CRACR2A: variants seen among roughly 807,000 people sequenced by gnomAD.
CRACR2A encodes the protein EF-hand calcium-binding domain-containing protein 4B.
A neutral mutation model predicts 90.5 loss-of-function variants in CRACR2A; 79 were observed. The ratio of observed to expected loss-of-function variants is 0.87; its 90% CI spans 0.73 to 1.05. The LOEUF (loss-of-function observed/expected upper bound fraction) is 1.05. Ranked by LOEUF, CRACR2A falls within the 50% of genes least tolerant of loss-of-function variation. CRACR2A has a pLI of 0.00. For missense variants in CRACR2A, 823 were observed against 897.2 expected (o/e 0.92, Z 1.06); for synonymous variants, 338 against 356.7 (o/e 0.95, Z 0.59).
intron 12 of CRACR2A, among the ~76,000 whole-genome samples, chr12:3,643,409 G>A (rs1452830392): frequency 6.6e-6 from 1 of 152,162 alleles, no homozygotes; most frequent in Non-Finnish European, 1.5e-5. Context: ...TGTATGGAGG[G>A]GGGATGGGAA....
intron 2 of CRACR2A, chr12:3,729,531 C>A: frequency 6.6e-6 from 1 of 152,214 alleles, no homozygotes; most frequent in Non-Finnish European, 1.5e-5. Flanking sequence ...AGTGAAACCC[C>A]ATCTGTACTA....
chr12:3,718,094 C>T (rs987013273), intron 2 of CRACR2A, among the ~76,000 whole-genome samples: 1 of 152,214 alleles, frequency 6.6e-6, no homozygotes, highest in African/African-American at 2.4e-5. Flanking sequence ...TGGATGATAA[C>T]AGCACCTCTC....
At chr12:3,716,013 G>A (rs1191194634) in intron 2 of CRACR2A, among the ~76,000 whole-genome samples, 2 of 151,730 alleles carry the variant, frequency 1.3e-5, no homozygotes, top group East Asian at 1.9e-4. Flanking sequence ...AAGAAGGAGC[G>A]GGAGCATCAT....
intron 4 of CRACR2A, among the ~76,000 whole-genome samples, chr12:3,691,850 T>C (rs1455953336): frequency 1.3e-5 from 2 of 152,248 alleles, no homozygotes; most frequent in Non-Finnish European, 2.9e-5. Flanking sequence ...TTGATTCTCA[T>C]TCTTTTTTCT....
intron 6 of CRACR2A, 125 bp downstream of exon 6, chr12:3,678,790 A>C (rs242019): frequency 1 from 1,065,161 of 1,065,164 alleles, 532,579 homozygotes; most frequent in Middle Eastern, 1. Context: ...GCGGGCCTTT[A>C]CCTGCACTGC....
chr12:3,707,181 C>T (rs1274780257), intron 3 of CRACR2A, among the ~76,000 whole-genome samples: 2 of 152,074 alleles, frequency 1.3e-5, no homozygotes, highest in Non-Finnish European at 1.5e-5. Flanking sequence ...CTTTGAAATG[C>T]GCAGTCTTTC....
intron 4 of CRACR2A, among the ~76,000 whole-genome samples, chr12:3,690,144 G>A (rs976841340): frequency 6.6e-6 from 1 of 151,130 alleles, no homozygotes; most frequent in Non-Finnish European, 1.5e-5. Context: ...ATGGTTTTTC[G>A]TGTTCCAATC....
In CRACR2A at chr12:3,696,786, T is replaced by G. The variant is rs759106774; in HGVS notation, c.214A>C (p.Arg72=). The G allele has an allele frequency of 6.2e-7, 1 of 1,614,208 alleles. No individual in the cohort carries two copies. Among genetic ancestry groups the G allele is most frequent in the Non-Finnish European group, 8.5e-7 (1 of 1,180,042 alleles). Reference sequence around the variant, plus strand: ...ACCCCACTTACCTGCATATCCTTCCTGGCGATGAAGCCCTTGCCTTCAGCA... The same window carrying G: ...ACCCCACTTACCTGCATATCCTTCCGGGCGATGAAGCCCTTGCCTTCAGCA... The part of the protein sequence containing the change: ...CDAEGKGFIA[R]KDMQRLHKEL... The change falls in exon 4 of 20, where the codon AGG becomes CGG. Residue 72 remains arginine (R), a synonymous_variant. Transcript: ENST00000440314.
intron 1 of CRACR2A, among the ~76,000 whole-genome samples, 176 bp downstream of exon 1, chr12:3,752,839 T>TG (rs1386308343): frequency 6.6e-6 from 1 of 152,010 alleles, no homozygotes; most frequent in African/African-American, 2.4e-5. Context: ...AGGCCAGGCC[T>TG]GGGGGTGGCA....
chr12:3,636,919 A>G (rs1944463896), intron 14 of CRACR2A, among the ~76,000 whole-genome samples: 1 of 152,236 alleles, frequency 6.6e-6, no homozygotes, highest in African/African-American at 2.4e-5. Context: ...GCAAAGGCTC[A>G]GTTCTCAATG....
intron 12 of CRACR2A, among the ~76,000 whole-genome samples, chr12:3,644,069 C>G (rs1291712490): frequency 7.5e-6 from 1 of 133,528 alleles, no homozygotes; most frequent in Non-Finnish European, 1.6e-5. Context: ...TATATATATG[C>G]ACACACTACA....
chr12:3,688,987 A>C (rs931376813), intron 4 of CRACR2A, among the ~76,000 whole-genome samples: 2 of 151,934 alleles, frequency 1.3e-5, no homozygotes, highest in African/African-American at 4.8e-5. Flanking sequence ...TATCTTCCTG[A>C]TTTGGCTCTT....
intron 14 of CRACR2A, among the ~76,000 whole-genome samples, chr12:3,634,282 A>C (rs767963862): frequency 2.6e-5 from 4 of 152,174 alleles, no homozygotes; most frequent in Non-Finnish European, 5.9e-5. Context: ...CCTGGACTAA[A>C]TGGAGGATGC....
chr12:3,705,010 G>T (rs1945894606), intron 3 of CRACR2A, among the ~76,000 whole-genome samples: 1 of 152,180 alleles, frequency 6.6e-6, no homozygotes, highest in Non-Finnish European at 1.5e-5. Flanking sequence ...CATGAGCTCG[G>T]CTGTCTCCCA....
intron 12 of CRACR2A, among the ~76,000 whole-genome samples, chr12:3,642,966 T>C (rs1591649736): frequency 2.0e-5 from 3 of 152,236 alleles, no homozygotes; most frequent in Admixed American, 1.3e-4. Flanking sequence ...TCAATTCTTA[T>C]TGAATTTATC....
intron 1 of CRACR2A, among the ~76,000 whole-genome samples, chr12:3,734,494 GA>G (rs1423045320): frequency 9.9e-5 from 15 of 152,052 alleles, no homozygotes; most frequent in African/African-American, 3.4e-4. Flanking sequence ...ATGTCCGAAG[GA>G]AACACGATCA....
chr12:3,696,663 G>A (rs1392718812), intron 4 of CRACR2A, 109 bp downstream of exon 4: 1 of 1,467,616 alleles, frequency 6.8e-7, no homozygotes, highest in African/African-American at 1.4e-5. Context: ...GACAGAACTG[G>A]TGGCATCTTT....
intron 7 of CRACR2A, among the ~76,000 whole-genome samples, chr12:3,666,330 C>CGTGTGTGTGTGTTTGTGT (rs1555112056): frequency 8.6e-5 from 12 of 139,674 alleles, no homozygotes; most frequent in Middle Eastern, 3.6e-3. Flanking sequence ...AGGACGGCTG[C>CGTGTGTGTGTGTTTGTGT]GTGTGTGTGT....
At chr12:3,616,165 T>C (rs1024791272) in intron 19 of CRACR2A, among the ~76,000 whole-genome samples, 3 of 152,242 alleles carry the variant, frequency 2.0e-5, no homozygotes, top group Non-Finnish European at 1.5e-5. Context: ...CTAGAATGTT[T>C]CCTTGTGATA....
Sources: gnomAD v4.1 joint callset for allele counts (sites outside exome capture counted in the v4.1 genomes callset) on GRCh38, gnomAD v4.1.1 for gene constraint, MANE v1.5 for transcripts, NCBI Gene and HGNC (gene_info 2026-07-23, HGNC 2026-07-21) for gene names.